SYN3: variants seen among roughly 807,000 people sequenced by gnomAD.
The protein encoded by SYN3 is synapsin III.
SYN3 carries 35 observed loss-of-function variants against 65.8 expected under a neutral mutation model. The ratio of observed to expected loss-of-function variants is 0.53; its 90% CI spans 0.41 to 0.70. The LOEUF (loss-of-function observed/expected upper bound fraction) is 0.70, where lower values mean the gene tolerates loss of function less well. SYN3 is among the 30% of genes least tolerant of loss of function. The pLI is 0.00. For synonymous variants in SYN3, 270 were observed against 292.9 expected, an observed-to-expected ratio of 0.92 and a Z score of 0.80; for missense variants, 680 against 749.0, an observed-to-expected ratio of 0.91 and a Z score of 1.08.
At chr22:32,582,767 A>G (rs4820083) in intron 7 of SYN3, among the ~76,000 whole-genome samples, 142,401 of 152,252 alleles carry the variant, frequency 0.94, 66,644 homozygotes, top group East Asian at 0.99. Flanking sequence ...AGGCTACCGA[A>G]GAGCTCAGGA....
At chr22:32,610,612 T>C (rs1601753005) in intron 6 of SYN3, among the ~76,000 whole-genome samples, 3 of 151,148 alleles carry the variant, frequency 2.0e-5, no homozygotes, top group African/African-American at 7.3e-5. Flanking sequence ...GACAACGTTT[T>C]GCTCTTGTTG....
chr22:32,685,925 T>C (rs2060582953), intron 6 of SYN3, among the ~76,000 whole-genome samples: 1 of 152,116 alleles, frequency 6.6e-6, no homozygotes, highest in Non-Finnish European at 1.5e-5. Context: ...GAATTTTTAA[T>C]AGGATGGGAA....
chr22:32,578,315 T>C (rs1358479630), intron 7 of SYN3, among the ~76,000 whole-genome samples: 2 of 152,072 alleles, frequency 1.3e-5, no homozygotes, highest in Non-Finnish European at 2.9e-5. Context: ...GGCATGATCA[T>C]GGCTCCCTGC....
At chr22:32,664,377 T>C (rs1018740306) in intron 6 of SYN3, among the ~76,000 whole-genome samples, 1 of 152,164 alleles carries the variant, frequency 6.6e-6, no homozygotes, top group African/African-American at 2.4e-5. Context: ...ATAAATAGTT[T>C]TCAGGGGAAA....
Position 33,034,875 on chromosome 22 carries a change from G to C in SYN3, c.-163+23417C>G, listed in dbSNP as rs575330418. On this transcript the variant is annotated intron_variant, in intron 1 of 13. Coordinates refer to ENST00000358763, the MANE Select transcript of SYN3 (RefSeq NM_003490.4). ...AACCACTATGATATCCTGGTCTGCT[G>C]CCCGGCCCTTGTGTCTCCTCTCCTG... is the stretch of plus-strand genomic sequence containing the variant. 1.6e-4 allele frequency among the ~76,000 whole-genome samples: 24 copies of C among 152,154 alleles called. No homozygotes were observed. In the South Asian group the frequency reaches 5.0e-3, roughly 32 times the overall value.
At chr22:32,751,008 A>G (rs1456876765) in intron 6 of SYN3, among the ~76,000 whole-genome samples, 1 of 152,058 alleles carries the variant, frequency 6.6e-6, no homozygotes, top group African/African-American at 2.4e-5. Context: ...GGGTTTTCAA[A>G]CCATGACACC....
chr22:32,778,560 G>A (rs1020380998), intron 6 of SYN3, among the ~76,000 whole-genome samples: 5 of 152,096 alleles, frequency 3.3e-5, no homozygotes, highest in African/African-American at 4.8e-5. Flanking sequence ...CCAAAGTGCT[G>A]GGATTACAGA....
chr22:32,547,159 A>AT (rs370726615), intron 7 of SYN3, among the ~76,000 whole-genome samples: 9 of 151,842 alleles, frequency 5.9e-5, no homozygotes, highest in Admixed American at 2.0e-4. Context: ...TCTTTGTCGT[A>AT]TTTTTTGTAG....
intron 6 of SYN3, among the ~76,000 whole-genome samples, chr22:32,787,635 G>A (rs758260032): frequency 3.9e-5 from 6 of 152,166 alleles, no homozygotes; most frequent in Non-Finnish European, 7.4e-5. Context: ...ATCTTGCACT[G>A]TTTTCTTTGT....
intron 6 of SYN3, among the ~76,000 whole-genome samples, chr22:32,749,300 C>G (rs1039318945): frequency 1.4e-4 from 14 of 100,754 alleles, no homozygotes; most frequent in African/African-American, 2.6e-4. Flanking sequence ...CCCAAAGCCC[C>G]CCCCCCACCC....
At chr22:32,910,250 A>G (rs1395136909) in intron 4 of SYN3, among the ~76,000 whole-genome samples, 1 of 152,170 alleles carries the variant, frequency 6.6e-6, no homozygotes, top group African/African-American at 2.4e-5. Flanking sequence ...TTTACTTGGA[A>G]TTTTAAGATA....
intron 7 of SYN3, among the ~76,000 whole-genome samples, chr22:32,586,081 C>G (rs62232737): frequency 3.5e-5 from 5 of 142,966 alleles, no homozygotes; most frequent in African/African-American, 1.4e-4. Flanking sequence ...TACATGTATA[C>G]ATGTATATAT....
At chr22:32,994,762 C>T (rs2052830036) in intron 2 of SYN3, among the ~76,000 whole-genome samples, 2 of 152,188 alleles carry the variant, frequency 1.3e-5, no homozygotes, top group East Asian at 1.9e-4. Flanking sequence ...AGACAGCCCT[C>T]CAGCACATCC....
chr22:33,001,177 T>C (rs2145773313), intron 2 of SYN3, among the ~76,000 whole-genome samples: 1 of 152,220 alleles, frequency 6.6e-6, no homozygotes, highest in East Asian at 1.9e-4. Flanking sequence ...AAGAACACCA[T>C]AAACAAAGAC....
chr22:32,617,117 C>T (rs987404271), intron 6 of SYN3, among the ~76,000 whole-genome samples: 8 of 152,128 alleles, frequency 5.3e-5, no homozygotes, highest in Non-Finnish European at 8.8e-5. Flanking sequence ...ATCACTACGC[C>T]GTGTGTGTAT....
At chr22:32,921,983 A>G (rs112554613) in intron 4 of SYN3, among the ~76,000 whole-genome samples, 1,789 of 152,244 alleles carry the variant, frequency 0.012, 18 homozygotes, top group Middle Eastern at 0.034. Context: ...GGCTGTCTAC[A>G]TTATTATTAG....
intron 1 of SYN3, among the ~76,000 whole-genome samples, chr22:33,007,464 T>C (rs2053225211): frequency 6.6e-6 from 1 of 152,320 alleles, no homozygotes; most frequent in East Asian, 1.9e-4. Context: ...TCACCAAATT[T>C]ATATGTTGAA....
intron 12 of SYN3, among the ~76,000 whole-genome samples, chr22:32,525,992 A>G (rs2057970335): frequency 1.3e-5 from 2 of 152,178 alleles, no homozygotes; most frequent in African/African-American, 4.8e-5. Context: ...CCTGATCAGT[A>G]AGCAGCCATC....
At chr22:32,985,543 C>A (rs1013338191) in intron 2 of SYN3, among the ~76,000 whole-genome samples, 1 of 152,174 alleles carries the variant, frequency 6.6e-6, no homozygotes, top group Non-Finnish European at 1.5e-5. Context: ...TTGCTCCCAA[C>A]GTGTTCCAGA....
Sources: allele counts gnomAD v4.1 joint callset (sites outside exome capture counted in the v4.1 genomes callset), GRCh38; gene constraint gnomAD v4.1.1; transcripts MANE v1.5; gene names NCBI Gene and HGNC (gene_info 2026-07-23, HGNC 2026-07-21).